ADARB2: variants seen among roughly 807,000 people sequenced by gnomAD.
The protein encoded by ADARB2 is adenosine deaminase RNA specific B2 (inactive).
Under a neutral mutation model 62.2 loss-of-function variants are expected in ADARB2, and 25 were observed. The observed-to-expected ratio is 0.40, with a 90% CI of 0.29 to 0.56. The LOEUF is 0.56. Ranked by LOEUF, ADARB2 falls within the 20% of genes least tolerant of loss-of-function variation. The probability of loss-of-function intolerance (pLI) is 0.43; values close to 1 mark genes in which losing one functional copy is unlikely to be tolerated. For synonymous variants in ADARB2, 572 were observed against 500.8 expected, an observed-to-expected ratio of 1.14 and a Z score of -1.90; for missense variants, 1,071 against 1,077.4, an observed-to-expected ratio of 0.99 and a Z score of 0.08.
chr10:1,245,449 T>C (rs1302441924), intron 4 of ADARB2, among the ~76,000 whole-genome samples: 7 of 152,144 alleles, frequency 4.6e-5, no homozygotes, highest in African/African-American at 1.4e-4. Flanking sequence ...AACTTGTCAT[T>C]TAACATTAGG....
At chr10:1,305,515 C>A (rs1343361225) in intron 3 of ADARB2, among the ~76,000 whole-genome samples, 7 of 152,040 alleles carry the variant, frequency 4.6e-5, no homozygotes, top group African/African-American at 1.7e-4. Context: ...CTATTCCAAT[C>A]AATAGAAAAA....
chr10:1,220,522 A>T (rs1289919540), intron 6 of ADARB2, among the ~76,000 whole-genome samples: 3 of 152,206 alleles, frequency 2.0e-5, no homozygotes, highest in Non-Finnish European at 4.4e-5. Context: ...CTTTATGAAC[A>T]TCAACTTTCT....
At chr10:1,636,285 A>C (rs1462211825) in intron 1 of ADARB2, among the ~76,000 whole-genome samples, 2 of 152,190 alleles carry the variant, frequency 1.3e-5, no homozygotes, top group African/African-American at 4.8e-5. Flanking sequence ...GGGAGGCTGA[A>C]GCAGGCGGAT....
At chr10:1,718,457 C>T (rs1835049238) in intron 1 of ADARB2, among the ~76,000 whole-genome samples, 3 of 152,168 alleles carry the variant, frequency 2.0e-5, no homozygotes, top group Admixed American at 2.0e-4. Context: ...GCCCCCAGGG[C>T]TGACCCGAAA....
At chr10:1,360,855 G>A (rs918595702) in intron 3 of ADARB2, 1 of 152,688 alleles carries the variant, frequency 6.5e-6, no homozygotes, top group African/African-American at 2.4e-5. Context: ...TTACAAAGTA[G>A]TAGTGCTGCC....
chr10:1,375,773 C>T (rs963408520), intron 2 of ADARB2, among the ~76,000 whole-genome samples: 1 of 151,900 alleles, frequency 6.6e-6, no homozygotes, highest in Non-Finnish European at 1.5e-5. Flanking sequence ...CACACGCACA[C>T]ATGTGCACAC....
intron 7 of ADARB2, among the ~76,000 whole-genome samples, chr10:1,215,319 G>C (rs535698608): frequency 1.3e-5 from 2 of 152,186 alleles, no homozygotes; most frequent in Admixed American, 6.5e-5. Context: ...AGGATTTTAC[G>C]GGGGCTGGCT....
intron 3 of ADARB2, among the ~76,000 whole-genome samples, chr10:1,296,709 C>T (rs1481634301): frequency 1.3e-5 from 2 of 152,212 alleles, no homozygotes; most frequent in Non-Finnish European, 2.9e-5. Flanking sequence ...TCCTGGGACA[C>T]AATCAAGTGT....
intron 1 of ADARB2, among the ~76,000 whole-genome samples, chr10:1,657,001 TTGTGTGTGTG>T (rs58944098): frequency 3.4e-5 from 5 of 148,810 alleles, no homozygotes; most frequent in African/African-American, 9.9e-5. Context: ...ATCTAGTGTT[TTGTGTGTGTG>T]TGTGTGTGTG....
intron 1 of ADARB2, among the ~76,000 whole-genome samples, chr10:1,454,699 GA>G (rs1343498601): frequency 6.6e-5 from 10 of 152,046 alleles, no homozygotes; most frequent in Non-Finnish European, 1.5e-4. Context: ...ATGTTTCGTG[GA>G]GACAGTTTCA....
intron 1 of ADARB2, among the ~76,000 whole-genome samples, chr10:1,660,523 C>T (rs968140199): frequency 2.6e-5 from 4 of 152,142 alleles, no homozygotes; most frequent in African/African-American, 7.2e-5. Context: ...ACGAATAGCT[C>T]CAGTATCTGG....
At chr10:1,247,221 G>A (rs944913937) in intron 4 of ADARB2, among the ~76,000 whole-genome samples, 2 of 152,208 alleles carry the variant, frequency 1.3e-5, no homozygotes, top group African/African-American at 2.4e-5. Flanking sequence ...AGCTTAAGGA[G>A]ATTTTGGGCT....
chr10:1,371,779 A>T (rs11250473), intron 2 of ADARB2, among the ~76,000 whole-genome samples: 2 of 113,200 alleles, frequency 1.8e-5, no homozygotes, highest in African/African-American at 5.7e-5. Context: ...GCTATTATTA[A>T]AAAGTAAAAA....
chr10:1,686,044 T>A (rs536099821), intron 1 of ADARB2, among the ~76,000 whole-genome samples: 1 of 152,362 alleles, frequency 6.6e-6, no homozygotes, highest in African/African-American at 2.4e-5. Flanking sequence ...CCTTTTAAAT[T>A]GAATCAGGCC....
chr10:1,716,776 G>A lies in ADARB2; in HGVS notation c.100+20275C>T, dbSNP rs1835021192. Among the ~76,000 whole-genome samples, 11 of 152,182 alleles carry A rather than the reference G, an allele frequency of 7.2e-5. No individual in the cohort carries two copies. The South Asian group carries it at 2.3e-3, about 32-fold the overall frequency. On this transcript the variant is annotated intron_variant, in intron 1 of 9. Coordinates refer to ENST00000381312, the MANE Select transcript of ADARB2 (RefSeq NM_018702.4). ...GTGGCATGCCATGGATGCTTTGGCA[G>A]ATTTAGGATTCTGAGATCTCTGAGT...
chr10:1,549,031 T>C (rs1588297898), intron 1 of ADARB2, among the ~76,000 whole-genome samples: 1 of 152,068 alleles, frequency 6.6e-6, no homozygotes, highest in Admixed American at 6.5e-5. Context: ...AACTACAAGA[T>C]GCTAAAAGAG....
chr10:1,274,365 C>T (rs1054661518), intron 3 of ADARB2, among the ~76,000 whole-genome samples: 2 of 152,254 alleles, frequency 1.3e-5, no homozygotes, highest in Middle Eastern at 3.2e-3. Flanking sequence ...GACAAAACTA[C>T]ATCTTTTGCT....
intron 1 of ADARB2, among the ~76,000 whole-genome samples, chr10:1,487,439 G>A (rs1331573544): frequency 6.6e-6 from 1 of 152,180 alleles, no homozygotes; most frequent in Non-Finnish European, 1.5e-5. Flanking sequence ...GCTCTTGAGG[G>A]GAAGGAGAGG....
intron 7 of ADARB2, among the ~76,000 whole-genome samples, chr10:1,206,303 C>T (rs1299465190): frequency 1.3e-5 from 2 of 152,322 alleles, no homozygotes; most frequent in African/African-American, 4.8e-5. Flanking sequence ...CACGCTCTCC[C>T]ACTGGGAGGA....
Sources: allele counts gnomAD v4.1 joint callset (sites outside exome capture counted in the v4.1 genomes callset), GRCh38; gene constraint gnomAD v4.1.1; transcripts MANE v1.5; gene names NCBI Gene and HGNC (gene_info 2026-07-23, HGNC 2026-07-21).